The following WDR7 variants were observed in gnomAD, a reference collection of about 807,000 sequenced individuals.
WDR7 encodes the protein WD repeat-containing protein 7.
WDR7 carries 46 observed loss-of-function variants against 169.4 expected under a neutral mutation model. The observed-to-expected ratio is 0.27, with a 90% CI of 0.21 to 0.35. The LOEUF is 0.35. Among genes scored for constraint, WDR7 ranks in the 10% least tolerant of loss-of-function variants. The pLI is 1.00. For missense variants in WDR7, 1,534 were observed against 1,859.3 expected (o/e 0.83, Z 3.22); for synonymous variants, 612 against 666.8 (o/e 0.92, Z 1.27).
At chr18:56,731,672 C>T in intron 14 of WDR7, 75 bp downstream of exon 14, 3 of 1,266,592 alleles carry the variant, frequency 2.4e-6, no homozygotes, top group Non-Finnish European at 3.2e-6. Context: ...TTTGGCATAT[C>T]TTAGAAAATA....
chr18:56,948,795 T>TGG (rs1277111686), intron 25 of WDR7, among the ~76,000 whole-genome samples: 2 of 152,090 alleles, frequency 1.3e-5, no homozygotes, highest in African/African-American at 4.8e-5. Flanking sequence ...CTCTTCAGAG[T>TGG]GGGGTGTGCA....
intron 13 of WDR7, among the ~76,000 whole-genome samples, chr18:56,726,833 C>A (rs1224991407): frequency 6.6e-6 from 1 of 152,122 alleles, no homozygotes; most frequent in Non-Finnish European, 1.5e-5. Flanking sequence ...TCTGGCTGGT[C>A]AGAGTAGGTA....
intron 26 of WDR7, among the ~76,000 whole-genome samples, chr18:56,983,175 A>C (rs185000758): frequency 6.6e-6 from 1 of 152,170 alleles, no homozygotes; most frequent in Admixed American, 6.5e-5. Context: ...CTTGCTTTTC[A>C]TTTCGGACTT....
At chr18:56,717,881 A>G in intron 12 of WDR7, 83 bp from the exon 13 acceptor site, 1 of 1,346,648 alleles carries the variant, frequency 7.4e-7, no homozygotes, top group Admixed American at 2.6e-5. Flanking sequence ...TGTATAATTA[A>G]TTTTGCCTTA....
chr18:56,935,958 A>G, intron 23 of WDR7, 53 bp downstream of exon 23: 3 of 1,500,208 alleles, frequency 2.0e-6, no homozygotes, highest in Non-Finnish European at 2.7e-6. Context: ...GAATTATTTG[A>G]TACTATAAGC....
At position 56,938,808 on chromosome 18, in the gene WDR7, AGTGT is replaced by A. The variant is rs71171007; in HGVS notation, c.3981+157_3981+160del. 6,292 of 661,106 alleles carry A rather than the reference AGTGT, an allele frequency of 9.5e-3. 13 individuals are homozygous for A. The highest frequency in any genetic ancestry group is 0.013 in the African/African-American group (696 of 52,074). The allele number at this position is 661,106 out of a possible 1,614,324, so 41.0% of individuals were successfully genotyped here. A position where few individuals can be genotyped will look rare whatever the true frequency, so the allele number is the denominator to read the frequency against. On this transcript the variant is annotated intron_variant, in intron 24 of 27. Coordinates refer to ENST00000254442, the MANE Select transcript of WDR7 (RefSeq NM_015285.3). ...GATGAAGGGTGAGAGAGAAAGAATG[AGTGT>A]GTGTGTGTGTGTGTGTGTGTGTGTG...
At chr18:56,764,658 T>G (rs1306694059) in intron 16 of WDR7, among the ~76,000 whole-genome samples, 1 of 152,144 alleles carries the variant, frequency 6.6e-6, no homozygotes, top group Non-Finnish European at 1.5e-5. Flanking sequence ...TGAGACTTGT[T>G]TTATGGCCCA....
chr18:56,787,881 C>G (rs2145100713), intron 19 of WDR7, among the ~76,000 whole-genome samples: 1 of 152,208 alleles, frequency 6.6e-6, no homozygotes, highest in South Asian at 2.1e-4. Flanking sequence ...TTAGTGTATT[C>G]TTTGGTAGGC....
chr18:56,737,882 A>G (rs1396860709), intron 14 of WDR7, among the ~76,000 whole-genome samples: 1 of 152,196 alleles, frequency 6.6e-6, no homozygotes, highest in Non-Finnish European at 1.5e-5. Flanking sequence ...ACCTTTGAAG[A>G]ATCAATTAAA....
At chr18:56,853,981 A>G (rs1468491875) in intron 20 of WDR7, among the ~76,000 whole-genome samples, 2 of 152,194 alleles carry the variant, frequency 1.3e-5, no homozygotes, top group African/African-American at 4.8e-5. Flanking sequence ...TACTTTTACA[A>G]ACAATGTTGT....
intron 20 of WDR7, among the ~76,000 whole-genome samples, chr18:56,841,923 A>G (rs2045493077): frequency 6.6e-6 from 1 of 152,176 alleles, no homozygotes; most frequent in South Asian, 2.1e-4. Flanking sequence ...AAAATGTTTT[A>G]TGTTACAGAT....
intron 16 of WDR7, 63 bp from the exon 17 acceptor site, chr18:56,776,719 T>C: frequency 1.4e-6 from 2 of 1,471,954 alleles, no homozygotes; most frequent in Non-Finnish European, 1.9e-6. Flanking sequence ...ATACTAAGCT[T>C]TTTTTCAGAA....
intron 14 of WDR7, among the ~76,000 whole-genome samples, chr18:56,749,544 G>A (rs1022486709): frequency 1.3e-5 from 2 of 151,866 alleles, no homozygotes; most frequent in African/African-American, 4.8e-5. Context: ...GCCTATGTCT[G>A]TACTGCTTGC....
At chr18:56,683,170 G>A (rs911538526) in intron 5 of WDR7, among the ~76,000 whole-genome samples, 1 of 152,080 alleles carries the variant, frequency 6.6e-6, no homozygotes, top group Non-Finnish European at 1.5e-5. Flanking sequence ...AAGAGCTGTA[G>A]TTTTACCTGT....
chr18:56,821,522 C>T (rs2045096015), intron 20 of WDR7, among the ~76,000 whole-genome samples: 1 of 152,102 alleles, frequency 6.6e-6, no homozygotes, highest in Non-Finnish European at 1.5e-5. Context: ...ACACATTAAA[C>T]TTTGGAAGAT....
At chr18:56,717,852 G>A in intron 12 of WDR7, 112 bp from the exon 13 acceptor site, 1 of 1,036,770 alleles carries the variant, frequency 9.6e-7, no homozygotes, top group South Asian at 2.1e-5. Context: ...TATTGTGGTG[G>A]TTTTTCAGTG....
chr18:56,664,385 C>A (rs1347750313), intron 1 of WDR7, among the ~76,000 whole-genome samples: 5 of 151,904 alleles, frequency 3.3e-5, no homozygotes, highest in Non-Finnish European at 7.4e-5. Context: ...CAAGTAGAGG[C>A]CAGTGAAGGT....
At chr18:56,906,973 G>T (rs946432958) in intron 21 of WDR7, among the ~76,000 whole-genome samples, 9 of 152,170 alleles carry the variant, frequency 5.9e-5, no homozygotes, top group African/African-American at 1.7e-4. Flanking sequence ...GTCTGCAGTG[G>T]AGCTAAGAAT....
At chr18:56,669,854 G>GT (rs1271359524) in intron 1 of WDR7, among the ~76,000 whole-genome samples, 1 of 152,092 alleles carries the variant, frequency 6.6e-6, no homozygotes, top group Non-Finnish European at 1.5e-5. Flanking sequence ...ACATATTGAA[G>GT]TTTTTTGCTA....
Sources: gnomAD v4.1 joint callset for allele counts (sites outside exome capture counted in the v4.1 genomes callset) on GRCh38, gnomAD v4.1.1 for gene constraint, MANE v1.5 for transcripts, NCBI Gene and HGNC (gene_info 2026-07-23, HGNC 2026-07-21) for gene names.